Variants in SBF2 observed in about 807,000 individuals in gnomAD.
SBF2 encodes SET binding factor 2, also known as myotubularin-related protein 13.
Under a neutral mutation model 225.2 loss-of-function variants are expected in SBF2, and 112 were observed. That is an observed-to-expected ratio of 0.50 (90% CI 0.43 to 0.58). SBF2 has a LOEUF of 0.58. SBF2 is among the 20% of genes least tolerant of loss of function. The pLI is 0.00. For synonymous variants in SBF2, 763 were observed against 773.3 expected, an observed-to-expected ratio of 0.99 and a Z score of 0.22; for missense variants, 1,996 against 2,206.2, an observed-to-expected ratio of 0.90 and a Z score of 1.91.
rs372003031 is a variant in SBF2, at chr11:9,929,557, T to A, written c.1860+32400A>T. Among the ~76,000 whole-genome samples the A allele has an allele frequency of 1.2e-4, 18 of 152,172 alleles. 1 individual carries two copies. In the South Asian group the frequency reaches 3.5e-3, roughly 30 times the overall value. The stretch of plus-strand genomic sequence containing the variant: ...AACCATTACATCTCAGAAGTATAGT[T>A]GGCAAATCGATGAGATAAACCGAAA... On this transcript the variant is annotated intron_variant, in intron 16 of 39. Transcript: ENST00000256190.
chr11:10,301,236 C>G (rs1042431226), intron 1 of SBF2, among the ~76,000 whole-genome samples: 1 of 152,158 alleles, frequency 6.6e-6, no homozygotes, highest in Non-Finnish European at 1.5e-5. Flanking sequence ...GGGTTTTAAA[C>G]TTGGTCAACC....
At chr11:9,829,073 G>A (rs1042710922) in intron 28 of SBF2, among the ~76,000 whole-genome samples, 12 of 152,036 alleles carry the variant, frequency 7.9e-5, no homozygotes, top group Non-Finnish European at 1.8e-4. Context: ...CCAGAAGTTC[G>A]AGACCAGACT....
chr11:10,029,968 C>A, intron 4 of SBF2, 93 bp from the exon 5 acceptor site: 1 of 868,800 alleles, frequency 1.2e-6, no homozygotes, highest in Non-Finnish European at 2.0e-6. Flanking sequence ...TCTCTTTGAA[C>A]CCAGTAAAGT....
chr11:10,068,513 A>G (rs1181608866), intron 2 of SBF2, among the ~76,000 whole-genome samples: 2 of 152,200 alleles, frequency 1.3e-5, no homozygotes, highest in South Asian at 2.1e-4. Context: ...GACATATTCA[A>G]ATTTCAGACT....
intron 37 of SBF2, 31 bp from the exon 38 acceptor site, chr11:9,784,469 T>C (rs1384514797): frequency 4.6e-6 from 7 of 1,515,444 alleles, no homozygotes; most frequent in Non-Finnish European, 5.5e-6. Context: ...AGAGTTAATT[T>C]TGATTTACAC....
chr11:10,133,131 C>T (rs1444242874), intron 2 of SBF2, among the ~76,000 whole-genome samples: 1 of 147,398 alleles, frequency 6.8e-6, no homozygotes, highest in Admixed American at 6.9e-5. Flanking sequence ...GATTGGTGCA[C>T]TCACAAACCT....
At chr11:10,098,432 T>A (rs1032375167) in intron 2 of SBF2, among the ~76,000 whole-genome samples, 1 of 151,452 alleles carries the variant, frequency 6.6e-6, no homozygotes, top group African/African-American at 2.4e-5. Flanking sequence ...AGATAACATC[T>A]TCTTTGAATG....
rs1822290 is a variant in SBF2 at position 10,110,530 on chromosome 11, T to C, written c.142-67549A>G. Among the ~76,000 whole-genome samples, 1,335 of 152,250 alleles carry C rather than the reference T, an allele frequency of 8.8e-3. 19 individuals carry two copies. The highest frequency in any genetic ancestry group is 0.03 in the African/African-American group (1,247 of 41,560). ...GCACAAAGAAAACATGGATCTACAA[T>C]GGCAAATTAATGATCACAACAAAAT... On this transcript the variant is annotated intron_variant, in intron 2 of 39. Transcript: ENST00000256190.
chr11:9,895,930 C>G lies in SBF2; in HGVS notation c.1929+13G>C, dbSNP rs1564969286. The G allele has an allele frequency of 2.5e-6, 4 of 1,581,190 alleles. No homozygotes were observed. The highest frequency in any genetic ancestry group is 3.5e-6 in the Non-Finnish European group (4 of 1,150,400). Reference sequence around the variant, plus strand: ...AATCATAACAAGCTTATATATGGACCAATGAAACTTACCCTATAGAAAGCA... The same window carrying G: ...AATCATAACAAGCTTATATATGGACGAATGAAACTTACCCTATAGAAAGCA... On this transcript the variant is annotated intron_variant, in intron 17 of 39. Coordinates refer to ENST00000256190, the MANE Select transcript of SBF2 (RefSeq NM_030962.4).
At chr11:10,220,620 C>T (rs1294366299) in intron 1 of SBF2, among the ~76,000 whole-genome samples, 1 of 152,140 alleles carries the variant, frequency 6.6e-6, no homozygotes, top group Non-Finnish European at 1.5e-5. Flanking sequence ...TTCTAACATG[C>T]AAATTTGAAA....
chr11:10,159,081 T>C (rs1228937647), intron 2 of SBF2, among the ~76,000 whole-genome samples: 3 of 150,464 alleles, frequency 2.0e-5, no homozygotes, highest in Non-Finnish European at 4.5e-5. Flanking sequence ...TCCTCTAACA[T>C]CAGAGACAAG....
intron 6 of SBF2, among the ~76,000 whole-genome samples, chr11:10,010,007 G>C (rs888212871): frequency 7.2e-5 from 11 of 152,318 alleles, no homozygotes; most frequent in Middle Eastern, 3.4e-3. Flanking sequence ...GATCAGTGAT[G>C]ATGAGCTTTT....
At chr11:10,041,837 T>C (rs1035858717) in intron 3 of SBF2, among the ~76,000 whole-genome samples, 3 of 148,786 alleles carry the variant, frequency 2.0e-5, no homozygotes, top group South Asian at 2.1e-4. Context: ...CAGTAGATTA[T>C]GCAAACTGGC....
At chr11:10,030,960 A>T in intron 4 of SBF2, 88 bp downstream of exon 4, 1 of 1,148,906 alleles carries the variant, frequency 8.7e-7, no homozygotes, top group Non-Finnish European at 1.3e-6. Context: ...ATCTAACAAT[A>T]TTTTCAATCC....
At chr11:9,949,992 A>G (rs1865767785) in intron 16 of SBF2, among the ~76,000 whole-genome samples, 1 of 152,174 alleles carries the variant, frequency 6.6e-6, no homozygotes, top group Non-Finnish European at 1.5e-5. Context: ...TTTATCTGTC[A>G]ATTAAAAAAG....
intron 1 of SBF2, among the ~76,000 whole-genome samples, chr11:10,252,820 C>CAA (rs779396478): frequency 0.058 from 7,240 of 124,394 alleles, 252 homozygotes; most frequent in Middle Eastern, 0.14. Flanking sequence ...GACTCTGTCT[C>CAA]AAAAAAAAAA....
intron 17 of SBF2, among the ~76,000 whole-genome samples, chr11:9,870,275 C>G (rs541678493): frequency 1.1e-4 from 17 of 152,126 alleles, no homozygotes; most frequent in Non-Finnish European, 2.1e-4. Context: ...AATGGCCATA[C>G]TGCCCAAAAT....
chr11:9,969,769 A>G (rs1037812345), intron 13 of SBF2, among the ~76,000 whole-genome samples: 2 of 152,052 alleles, frequency 1.3e-5, no homozygotes, highest in Non-Finnish European at 2.9e-5. Context: ...CATACTTTAC[A>G]TTTTATTTAA....
chr11:9,891,402 T>A (rs1052196175), intron 17 of SBF2, among the ~76,000 whole-genome samples: 1 of 152,176 alleles, frequency 6.6e-6, no homozygotes, highest in African/African-American at 2.4e-5. Context: ...AATCAATGAG[T>A]AGCCCAATGT....
Sources: allele counts gnomAD v4.1 joint callset (sites outside exome capture counted in the v4.1 genomes callset), GRCh38; gene constraint gnomAD v4.1.1; transcripts MANE v1.5; gene names NCBI Gene and HGNC (gene_info 2026-07-23, HGNC 2026-07-21).